Variants in TCTN3 observed in about 807,000 individuals in gnomAD.
The protein encoded by TCTN3 is tectonic family member 3.
Under a neutral mutation model 71.3 loss-of-function variants are expected in TCTN3, and 57 were observed. The ratio of observed to expected loss-of-function variants is 0.80; its 90% confidence interval spans 0.65 to 1.00. TCTN3 has a LOEUF of 1.00. TCTN3 is among the 50% of genes least tolerant of loss of function. The pLI is 0.00. For missense variants in TCTN3, 696 were observed against 719.9 expected, an observed-to-expected ratio of 0.97 and a Z score of 0.38; for synonymous variants, 258 against 267.8, an observed-to-expected ratio of 0.96 and a Z score of 0.36.
At chr10:95,667,135 C>A (rs2139697896) in intron 13 of TCTN3, among the ~76,000 whole-genome samples, 1 of 152,238 alleles carries the variant, frequency 6.6e-6, no homozygotes, top group South Asian at 2.1e-4. Flanking sequence ...ATATTAATAT[C>A]TTTCTAGTGG....
chr10:95,671,766 AT>A (rs898320020), intron 13 of TCTN3, among the ~76,000 whole-genome samples: 3 of 150,762 alleles, frequency 2.0e-5, no homozygotes, highest in Admixed American at 1.3e-4. Context: ...AATTTTTTGT[AT>A]TTTTTTTTAG....
In TCTN3 at chr10:95,684,522, G is replaced by A; in HGVS notation, c.1072C>T (p.Gln358Ter). 3 of 1,614,032 alleles carry A rather than the reference G, an allele frequency of 1.9e-6. No individual in the cohort carries two copies. Among genetic ancestry groups the A allele is most frequent in the South Asian group, 1.1e-5 (1 of 91,084 alleles). The change falls in exon 9 of 14, where the codon CAA (glutamine) becomes TAA (stop). Residue 358 changes from glutamine to a stop codon, truncating the protein, a stop_gained. Coordinates refer to ENST00000371217, the MANE Select transcript of TCTN3 (RefSeq NM_015631.6). LOFTEE classifies it high-confidence loss of function. ...ACCCTGAAGCGAAGGATGAAGTGTT[G>A]CTGTAAGGAAGCGCCTGGCTCAACA... ...LTVEPGASLQ[Q>*]HFILRFRAFQ...
chr10:95,679,583 C>CTTTTTT (rs201828119), intron 13 of TCTN3, among the ~76,000 whole-genome samples: 3 of 96,446 alleles, frequency 3.1e-5, no homozygotes, highest in Middle Eastern at 5.1e-3. Flanking sequence ...CTAGTCATTT[C>CTTTTTT]TTTTTTTTTT....
chr10:95,667,242 C>T (rs566239923), intron 13 of TCTN3, among the ~76,000 whole-genome samples: 1 of 152,116 alleles, frequency 6.6e-6, no homozygotes, highest in Non-Finnish European at 1.5e-5. Flanking sequence ...AGAGCTACTA[C>T]TAGATTTGAA....
chr10:95,688,989 GGT>G (rs759168028), intron 3 of TCTN3, among the ~76,000 whole-genome samples: 11 of 152,162 alleles, frequency 7.2e-5, no homozygotes, highest in Non-Finnish European at 1.2e-4. Context: ...GAGTAAAAGA[GGT>G]TACAATACCT....
intron 3 of TCTN3, 115 bp downstream of exon 3, chr10:95,692,805 G>A (rs2097954775): frequency 4.2e-6 from 3 of 711,636 alleles, no homozygotes; most frequent in Admixed American, 2.3e-5. Flanking sequence ...ATCAGCTATC[G>A]TTAGTGTATT....
chr10:95,682,626 T>A, intron 12 of TCTN3, 25 bp downstream of exon 12: 1 of 1,601,342 alleles, frequency 6.2e-7, no homozygotes, highest in South Asian at 1.1e-5. Flanking sequence ...TGAGTCTTCA[T>A]CAGAAAGTAT....
rs2097954940 is a variant in TCTN3 at position 95,692,945 on chromosome 10, C to T, written c.474G>A (p.Arg158=). The T allele has an allele frequency of 6.2e-7, 1 of 1,613,794 alleles. No individual in the cohort carries two copies. ...SRVFMDSNGI[R]QFCVHVNNSN... ...AGTTGTTCACATGGACACAAAACTG[C>T]CTGATTCCATTAGAATCCATGAAAA... Residue 158 remains arginine, a synonymous_variant, in exon 3 of 14, where the codon AGG becomes AGA. Transcript: ENST00000371217.
At chr10:95,690,447 T>C (rs1412363518) in intron 3 of TCTN3, among the ~76,000 whole-genome samples, 1 of 152,212 alleles carries the variant, frequency 6.6e-6, no homozygotes, top group Non-Finnish European at 1.5e-5. Context: ...CTTTAGAACT[T>C]CTGAGGATGG....
At chr10:95,689,552 A>G (rs1236651611) in intron 3 of TCTN3, among the ~76,000 whole-genome samples, 1 of 152,228 alleles carries the variant, frequency 6.6e-6, no homozygotes, top group Non-Finnish European at 1.5e-5. Context: ...CTAAGAAAGA[A>G]GGTGAACTGA....
At chr10:95,670,920 G>A (rs925318769) in intron 13 of TCTN3, among the ~76,000 whole-genome samples, 2 of 152,110 alleles carry the variant, frequency 1.3e-5, no homozygotes, top group African/African-American at 4.8e-5. Context: ...ACCTCAGCCT[G>A]CCAAAGTGCT....
intron 13 of TCTN3, among the ~76,000 whole-genome samples, chr10:95,679,583 CTTTTT>C (rs201828119): frequency 1.0e-5 from 1 of 96,446 alleles, no homozygotes; most frequent in Non-Finnish European, 2.2e-5. Context: ...CTAGTCATTT[CTTTTT>C]TTTTTTTTTT....
At chr10:95,666,742 ATT>A (rs2139697218) in intron 13 of TCTN3, among the ~76,000 whole-genome samples, 1 of 152,258 alleles carries the variant, frequency 6.6e-6, no homozygotes, top group African/African-American at 2.4e-5. Context: ...TCAATGTGTT[ATT>A]CTAAGTTATT....
At chr10:95,682,866 T>C (rs2097944438) in intron 11 of TCTN3, 62 bp from the exon 12 acceptor site, 1 of 1,537,928 alleles carries the variant, frequency 6.5e-7, no homozygotes, top group Non-Finnish European at 8.8e-7. Context: ...CCTATATTAG[T>C]ACGGTATGTT....
rs766029244 is a variant in TCTN3, at chr10:95,672,685, C to CTTTT, written c.1590+7783_1590+7786dup. ...CCATTTGTGAAGTATCTGTTCAAAT[C>CTTTT]TTTTTTTTTTTTTTTTTTTTTTTTT... On this transcript the variant is annotated intron_variant, in intron 13 of 13. Coordinates refer to ENST00000371217, the MANE Select transcript of TCTN3 (RefSeq NM_015631.6). 3.7e-3 allele frequency among the ~76,000 whole-genome samples: 298 copies of CTTTT among 80,402 alleles called. 12 individuals are homozygous for CTTTT. The highest frequency in any genetic ancestry group is 7.5e-3 in the South Asian group (16 of 2,142). The allele number at this position is 80,402 out of a possible 152,430, so 52.7% of individuals were successfully genotyped here.
At chr10:95,680,764 T>C (rs1331471704) in intron 12 of TCTN3, among the ~76,000 whole-genome samples, 155 bp from the exon 13 acceptor site, 1 of 151,378 alleles carries the variant, frequency 6.6e-6, no homozygotes, top group African/African-American at 2.4e-5. Flanking sequence ...TAAGACTATG[T>C]TATTATTCCT....
chr10:95,686,230 A>G (rs1375426073), intron 7 of TCTN3, among the ~76,000 whole-genome samples: 1 of 152,182 alleles, frequency 6.6e-6, no homozygotes, highest in Non-Finnish European at 1.5e-5. Context: ...CCTGTCTCTC[A>G]AAAAAATTAA....
chr10:95,687,627 T>C lies in TCTN3; in HGVS notation c.592A>G (p.Thr198Ala). 6.2e-7 allele frequency: 1 copy of C among 1,614,198 alleles called. No individual in the cohort carries two copies. The highest frequency in any genetic ancestry group is 1.1e-5 in the South Asian group (1 of 91,088). The change falls in exon 4 of 14, where the codon ACA (threonine) becomes GCA (alanine). Residue 198 changes from threonine to alanine, a missense_variant. Coordinates refer to ENST00000371217, the MANE Select transcript of TCTN3 (RefSeq NM_015631.6). ...GATGGTGGTGATTGAGTTTGGAATGTTGAAGTGAATGATTCGCCTCCAAAC... is the reference window on the plus strand; with the variant it reads ...GATGGTGGTGATTGAGTTTGGAATGCTGAAGTGAATGATTCGCCTCCAAAC... ...AEFGGESFTS[T>A]FQTQSPPSFY...
chr10:95,678,912 T>C (rs1478890268), intron 13 of TCTN3, among the ~76,000 whole-genome samples: 3 of 152,210 alleles, frequency 2.0e-5, no homozygotes, highest in African/African-American at 4.8e-5. Context: ...TGAAAATTTT[T>C]ACACAAAATT....
Sources: gnomAD v4.1 joint callset for allele counts (sites outside exome capture counted in the v4.1 genomes callset) on GRCh38, gnomAD v4.1.1 for gene constraint, MANE v1.5 for transcripts, NCBI Gene and HGNC (gene_info 2026-07-23, HGNC 2026-07-21) for gene names.